Variants in SLC26A5 observed in about 807,000 individuals in gnomAD.
SLC26A5 encodes solute carrier family 26 member 5, also known as prestin.
A neutral mutation model predicts 81.0 loss-of-function variants in SLC26A5; 51 were observed. That is an observed-to-expected ratio of 0.63 (90% CI 0.50 to 0.80). The LOEUF is 0.80. Ranked by LOEUF, SLC26A5 falls within the 30% of genes least tolerant of loss-of-function variation. The probability of loss-of-function intolerance (pLI) is 0.00; values close to 1 mark genes in which losing one functional copy is unlikely to be tolerated. For synonymous variants in SLC26A5, 325 were observed against 332.8 expected (o/e 0.98, Z 0.25); for missense variants, 771 against 905.8 (o/e 0.85, Z 1.91).
At chr7:103,360,744 T>C (rs1820337585) in intron 19 of SLC26A5, among the ~76,000 whole-genome samples, 1 of 152,254 alleles carries the variant, frequency 6.6e-6, no homozygotes, top group African/African-American at 2.4e-5. Flanking sequence ...TTGACTATTT[T>C]ATACTGTGAT....
At chr7:103,416,371 G>C (rs1824908701) in intron 4 of SLC26A5, among the ~76,000 whole-genome samples, 1 of 152,210 alleles carries the variant, frequency 6.6e-6, no homozygotes, top group African/African-American at 2.4e-5. Context: ...TCTGCTTTGG[G>C]CTATAAGTTT....
chr7:103,438,596 A>AC (rs1256433566), intron 2 of SLC26A5, among the ~76,000 whole-genome samples: 1 of 151,836 alleles, frequency 6.6e-6, no homozygotes, highest in East Asian at 1.9e-4. Context: ...CAAGCGATCC[A>AC]CCCACCTCAG....
chr7:103,399,167 G>C (rs1823381749), intron 8 of SLC26A5, among the ~76,000 whole-genome samples: 2 of 152,120 alleles, frequency 1.3e-5, no homozygotes, highest in East Asian at 3.8e-4. Flanking sequence ...AAACTTTCTA[G>C]AATTCTGGGA....
Position 103,376,837 on chromosome 7 carries a change from C to G in SLC26A5, c.2012G>C (p.Gly671Ala). The G allele has an allele frequency of 1.2e-6, 2 of 1,604,156 alleles. No individual in the cohort carries two copies. Among genetic ancestry groups the G allele is most frequent in the South Asian group, 2.2e-5 (2 of 90,814 alleles). Reference protein sequence around the residue: ...AGIVKEYGDVGIYVYLAGCSA... With the variant: ...AGIVKEYGDVAIYVYLAGCSA... ...GCATCCTGCTAAGTATACATATATA[C>G]CGACGTCTCCATATTCTTTTACAAT... Residue 671 changes from glycine (G) to alanine (A), a missense_variant, in exon 19 of 20, where the codon GGT (glycine) becomes GCT (alanine). Transcript: ENST00000306312.
At chr7:103,394,238 T>A (rs971891851) in intron 9 of SLC26A5, among the ~76,000 whole-genome samples, 1 of 152,236 alleles carries the variant, frequency 6.6e-6, no homozygotes, top group Non-Finnish European at 1.5e-5. Flanking sequence ...ACCTGCTACA[T>A]GCTTTACATA....
At chr7:103,433,355 T>C (rs1441180255) in intron 2 of SLC26A5, 1 of 152,214 alleles carries the variant, frequency 6.6e-6, no homozygotes, top group African/African-American at 2.4e-5. Flanking sequence ...ACATTTGTTA[T>C]GTTTTATCCT....
At chr7:103,442,986 C>T (rs1392688484) in intron 2 of SLC26A5, 97 bp downstream of exon 2, 1 of 152,200 alleles carries the variant, frequency 6.6e-6, no homozygotes, top group African/African-American at 2.4e-5. Flanking sequence ...TGATTTAGAC[C>T]TCTGGAAATT....
At chr7:103,366,271 C>G in intron 19 of SLC26A5, 1 of 944,920 alleles carries the variant, frequency 1.1e-6, no homozygotes, top group Non-Finnish European at 1.6e-6. Flanking sequence ...TCCAACTCTT[C>G]TATGAGCTCT....
chr7:103,364,985 T>TATATATATATATATATATATATATATA (rs1820631473), intron 19 of SLC26A5, among the ~76,000 whole-genome samples: 1 of 55,614 alleles, frequency 1.8e-5, no homozygotes, highest in African/African-American at 6.0e-5. Context: ...ATATATATAT[T>TATATATATATATATATATATATATATA]TAGAGAATAA....
At chr7:103,388,707 CAGCAT>C in intron 14 of SLC26A5, 1 of 366,660 alleles carries the variant, frequency 2.7e-6, no homozygotes, top group South Asian at 2.1e-5. Context: ...ATAAATAAAC[CAGCAT>C]AGCACTAGAC....
Position 103,421,456 on chromosome 7 carries a change from C to A in SLC26A5, c.59G>T (p.Arg20Met). 1 of 1,614,016 alleles carries A rather than the reference C, an allele frequency of 6.2e-7. No individual in the cohort carries two copies. The highest frequency in any genetic ancestry group is 8.5e-7 in the Non-Finnish European group (1 of 1,179,936). Residue 20 changes from arginine to methionine, a missense_variant, in exon 3 of 20, where the codon AGG becomes ATG. Arg to Met is a moderately conservative substitution (Grantham distance 91). Transcript: ENST00000306312. ...GAGGACCGGATGACTAAAGATAGGC[C>A]TTTCCACATAGTACCTCTGGGTTGC... The part of the protein sequence containing the change: ...LAATQRYYVE[R>M]PIFSHPVLQE...
Position 103,391,576 on chromosome 7 carries a change from A to G in SLC26A5, c.1233+46T>C, listed in dbSNP as rs750226587. On this transcript the variant is annotated intron_variant, in intron 11 of 19. Transcript: ENST00000306312. ...AATATAATCAAAAGATTAAAATTTA[A>G]TTACCACCCATATCATCAGGTCTTA... is the stretch of plus-strand genomic sequence containing the variant. The G allele has an allele frequency of 2.0e-6, 3 of 1,470,202 alleles. No homozygotes were observed. In the South Asian group the frequency reaches 3.5e-5, roughly 17 times the overall value. The allele number at this position is 1,470,202 out of a possible 1,614,324, so 91.1% of individuals were successfully genotyped here.
intron 9 of SLC26A5, among the ~76,000 whole-genome samples, chr7:103,395,521 A>ATAT (rs371680455): frequency 4.8e-3 from 81 of 16,898 alleles, no homozygotes; most frequent in African/African-American, 0.014. Context: ...ATATATATAT[A>ATAT]AATTTTTTTT....
chr7:103,354,035 A>G (rs550946911), intron 19 of SLC26A5: 9 of 1,171,176 alleles, frequency 7.7e-6, no homozygotes, highest in Non-Finnish European at 1.1e-5. Flanking sequence ...TCCTTCCAAA[A>G]TAATTAGAAG....
intron 14 of SLC26A5, among the ~76,000 whole-genome samples, chr7:103,381,687 A>G (rs1436473237): frequency 6.6e-6 from 1 of 150,964 alleles, no homozygotes; most frequent in East Asian, 1.9e-4. Flanking sequence ...ATACGTGCAG[A>G]CACATGCATA....
At chr7:103,397,250 T>C (rs926899838) in intron 9 of SLC26A5, among the ~76,000 whole-genome samples, 2 of 150,456 alleles carry the variant, frequency 1.3e-5, no homozygotes, top group Non-Finnish European at 3.0e-5. Flanking sequence ...CTACTAAAAA[T>C]ATAAAAATTA....
chr7:103,356,731 A>T (rs961985003), intron 19 of SLC26A5, among the ~76,000 whole-genome samples: 3 of 152,118 alleles, frequency 2.0e-5, no homozygotes, highest in African/African-American at 4.8e-5. Context: ...AGTCACTTTT[A>T]ACTTCTTGGT....
At chr7:103,437,438 T>C (rs532918399) in intron 2 of SLC26A5, among the ~76,000 whole-genome samples, 1 of 152,272 alleles carries the variant, frequency 6.6e-6, no homozygotes, top group South Asian at 2.1e-4. Flanking sequence ...TGGGTATATA[T>C]CCAAAGGAGT....
chr7:103,377,641 T>G lies in SLC26A5; in HGVS notation c.1944A>C (p.Gln648His), dbSNP rs148546326. 3.4e-4 allele frequency: 555 copies of G among 1,614,118 alleles called. 3 individuals are homozygous for G. The highest frequency in any genetic ancestry group is 2.7e-3 in the African/African-American group (204 of 75,036). Residue 648 changes from glutamine (Q) to histidine (H), a missense_variant, in exon 18 of 20, where the codon CAA becomes CAC. Coordinates refer to ENST00000306312, the MANE Select transcript of SLC26A5 (RefSeq NM_198999.3). ...CTCCAACAGAATCAATAAAATTGACTTGAGTGAAATCCAAAATGACAGTGT... is the reference window on the plus strand; with the variant it reads ...CTCCAACAGAATCAATAAAATTGACGTGAGTGAAATCCAAAATGACAGTGT... ...NVHTVILDFT[Q>H]VNFIDSVGVK... is the part of the protein sequence containing the mutation.
Sources: gnomAD v4.1 joint callset for allele counts (sites outside exome capture counted in the v4.1 genomes callset) on GRCh38, gnomAD v4.1.1 for gene constraint, MANE v1.5 for transcripts, NCBI Gene and HGNC (gene_info 2026-07-23, HGNC 2026-07-21) for gene names.